KCNIP4: variants seen among roughly 807,000 people sequenced by gnomAD.
The protein encoded by KCNIP4 is potassium voltage-gated channel interacting protein 4.
In KCNIP4, 12 loss-of-function variants were observed where a neutral mutation model predicts 34.0. The observed-to-expected ratio is 0.35, with a 90% CI of 0.23 to 0.57. The LOEUF is 0.57. Ranked by LOEUF, KCNIP4 falls within the 20% of genes least tolerant of loss-of-function variation. The pLI is 0.83. For synonymous variants in KCNIP4, 124 were observed against 102.2 expected, an observed-to-expected ratio of 1.21 and a Z score of -1.29; for missense variants, 238 against 311.7, an observed-to-expected ratio of 0.76 and a Z score of 1.78.
intron 2 of KCNIP4, among the ~76,000 whole-genome samples, chr4:20,863,639 C>T (rs141644974): frequency 3.9e-5 from 6 of 152,234 alleles, no homozygotes; most frequent in Admixed American, 2.0e-4. Context: ...AAGGTTAGTT[C>T]AGCCTACGCC....
At chr4:20,730,545 C>T (rs1430993750) in intron 8 of KCNIP4, among the ~76,000 whole-genome samples, 2 of 151,852 alleles carry the variant, frequency 1.3e-5, no homozygotes, top group Admixed American at 1.3e-4. Context: ...GTGTATGAGC[C>T]AGCAGTTCAT....
intron 3 of KCNIP4, among the ~76,000 whole-genome samples, chr4:20,795,221 T>A (rs1291528976): frequency 1.3e-5 from 2 of 152,280 alleles, no homozygotes; most frequent in East Asian, 3.9e-4. Flanking sequence ...GTCTTCTTTA[T>A]GGGAAGATAG....
intron 1 of KCNIP4, among the ~76,000 whole-genome samples, chr4:21,378,797 A>AT (rs1316779177): frequency 6.6e-6 from 1 of 152,110 alleles, no homozygotes; most frequent in Non-Finnish European, 1.5e-5. Flanking sequence ...ATACTTTTCT[A>AT]TTTTTGTTTA....
rs549379843 is a variant in KCNIP4 at position 20,751,402 on chromosome 4, C to G, written c.359-1670G>C. Among the ~76,000 whole-genome samples the G allele has an allele frequency of 1.1e-3, 163 of 152,224 alleles. 1 individual carries two copies. Among genetic ancestry groups the G allele is most frequent in the African/African-American group, 3.7e-3 (153 of 41,556 alleles). On this transcript the variant is annotated intron_variant, in intron 4 of 8. Transcript: ENST00000382152. Reference sequence around the variant, plus strand: ...TTGGGAAGCTCCATTATAGAGTTATCAAGAATTGGCAGCCTATTTCAACTT... The same window carrying G: ...TTGGGAAGCTCCATTATAGAGTTATGAAGAATTGGCAGCCTATTTCAACTT...
At position 21,534,245 on chromosome 4, in the gene KCNIP4, T is replaced by C. The variant is rs139472552; in HGVS notation, c.61+414326A>G. Among the ~76,000 whole-genome samples, 1,129 of 152,278 alleles carry C rather than the reference T, an allele frequency of 7.4e-3. 22 individuals are homozygous for C. Among genetic ancestry groups the C allele is most frequent in the African/African-American group, 0.026 (1,086 of 41,560 alleles). ...ATTATTTCTGTGAAGACAAATATAT[T>C]GCTTGTGGAACACATGGGGAGATCG... is the stretch of plus-strand genomic sequence containing the variant. On this transcript the variant is annotated intron_variant, in intron 1 of 8. Transcript: ENST00000382152.
intron 1 of KCNIP4, among the ~76,000 whole-genome samples, chr4:21,728,380 T>C (rs1442537526): frequency 1.3e-5 from 2 of 152,150 alleles, no homozygotes; most frequent in Non-Finnish European, 1.5e-5. Context: ...GTTGGCTCAA[T>C]GTTCATAATT....
intron 1 of KCNIP4, among the ~76,000 whole-genome samples, chr4:21,141,639 A>G (rs888368409): frequency 6.6e-6 from 1 of 152,198 alleles, no homozygotes; most frequent in African/African-American, 2.4e-5. Flanking sequence ...TTACCATAGA[A>G]GAACTCAGAT....
At chr4:20,789,940 C>T (rs1319266207) in intron 3 of KCNIP4, among the ~76,000 whole-genome samples, 1 of 152,054 alleles carries the variant, frequency 6.6e-6, no homozygotes, top group Admixed American at 6.6e-5. Flanking sequence ...GCTATTATAA[C>T]TAAACTTAAA....
At chr4:21,031,273 A>G (rs1015685869) in intron 1 of KCNIP4, among the ~76,000 whole-genome samples, 25 of 152,152 alleles carry the variant, frequency 1.6e-4, no homozygotes, top group African/African-American at 5.1e-4. Context: ...TTAATTTTTT[A>G]TTTGAGATCC....
At chr4:21,151,010 C>T (rs552336108) in intron 1 of KCNIP4, among the ~76,000 whole-genome samples, 1 of 152,142 alleles carries the variant, frequency 6.6e-6, no homozygotes, top group Non-Finnish European at 1.5e-5. Context: ...TAAAAATCTA[C>T]TTGCTAGAAG....
rs907579522 is a variant in KCNIP4 at position 21,152,782 on chromosome 4, C to T, written c.62-270073G>A. Among the ~76,000 whole-genome samples the T allele has an allele frequency of 2.0e-5, 3 of 152,126 alleles. No individual in the cohort carries two copies. In the East Asian group the frequency reaches 5.8e-4, roughly 29 times the overall value. Reference sequence around the variant, plus strand: ...GCTCCGCCTCTTGTCAGATGAGCCGCGGCATTAGATTCTCATACAAGAGCG... The same window carrying T: ...GCTCCGCCTCTTGTCAGATGAGCCGTGGCATTAGATTCTCATACAAGAGCG... On this transcript the variant is annotated intron_variant, in intron 1 of 8. Transcript: ENST00000382152.
intron 1 of KCNIP4, among the ~76,000 whole-genome samples, chr4:21,016,521 T>C (rs1739560296): frequency 6.6e-6 from 1 of 152,166 alleles, no homozygotes; most frequent in Non-Finnish European, 1.5e-5. Context: ...GGTCTCGATC[T>C]CCTGACCTCG....
At chr4:21,202,855 C>T (rs1240337867) in intron 1 of KCNIP4, among the ~76,000 whole-genome samples, 2 of 152,188 alleles carry the variant, frequency 1.3e-5, no homozygotes, top group Non-Finnish European at 2.9e-5. Context: ...ACAAGGGCTA[C>T]TAGGCCCACG....
At chr4:20,753,629 C>T (rs1048804737) in intron 4 of KCNIP4, among the ~76,000 whole-genome samples, 4 of 152,124 alleles carry the variant, frequency 2.6e-5, no homozygotes, top group African/African-American at 7.2e-5. Context: ...AATAGAATCA[C>T]CTTCATGTAT....
chr4:21,938,228 T>C (rs1729980378), intron 1 of KCNIP4, among the ~76,000 whole-genome samples: 1 of 152,166 alleles, frequency 6.6e-6, no homozygotes, highest in Non-Finnish European at 1.5e-5. Context: ...TTGCGTAGTA[T>C]GACTTATACC....
intron 1 of KCNIP4, among the ~76,000 whole-genome samples, chr4:21,581,161 C>T (rs1741171191): frequency 6.6e-6 from 1 of 151,926 alleles, no homozygotes; most frequent in Non-Finnish European, 1.5e-5. Flanking sequence ...TTAGGTGAAA[C>T]ATCATTATAT....
intron 1 of KCNIP4, among the ~76,000 whole-genome samples, chr4:21,257,703 T>C (rs1354790500): frequency 6.7e-6 from 1 of 150,030 alleles, no homozygotes; most frequent in Non-Finnish European, 1.5e-5. Flanking sequence ...TGAGCCGAGA[T>C]CATGCCATTG....
intron 1 of KCNIP4, among the ~76,000 whole-genome samples, chr4:21,776,394 C>A (rs970914581): frequency 6.6e-6 from 1 of 152,094 alleles, no homozygotes; most frequent in Admixed American, 6.5e-5. Context: ...TTGGCCCCGC[C>A]CCAGAAGTTT....
chr4:20,795,480 T>A (rs781446265), intron 3 of KCNIP4, among the ~76,000 whole-genome samples: 8 of 152,186 alleles, frequency 5.3e-5, no homozygotes, highest in Non-Finnish European at 1.0e-4. Context: ...TTTGCTGATT[T>A]CTTATCATTA....
Sources: gnomAD v4.1 joint callset for allele counts (sites outside exome capture counted in the v4.1 genomes callset) on GRCh38, gnomAD v4.1.1 for gene constraint, MANE v1.5 for transcripts, NCBI Gene and HGNC (gene_info 2026-07-23, HGNC 2026-07-21) for gene names.